Variants in HDAC9 observed in about 807,000 individuals in gnomAD.
The protein encoded by HDAC9 is histone deacetylase 9.
HDAC9 carries 41 observed loss-of-function variants against 139.4 expected under a neutral mutation model. The ratio of observed to expected loss-of-function variants is 0.29; its 90% CI spans 0.23 to 0.38. The LOEUF (loss-of-function observed/expected upper bound fraction) is 0.38, where lower values mean the gene tolerates loss of function less well. Among genes scored for constraint, HDAC9 ranks in the 10% least tolerant of loss-of-function variants. The probability of loss-of-function intolerance (pLI) is 1.00; values close to 1 mark genes in which losing one functional copy is unlikely to be tolerated. For missense variants in HDAC9, 1,147 were observed against 1,297.0 expected (o/e 0.88, Z 1.78); for synonymous variants, 517 against 476.2 (o/e 1.09, Z -1.12).
At chr7:18,116,488 A>G (rs890384061) in intron 1 of HDAC9, among the ~76,000 whole-genome samples, 5 of 152,158 alleles carry the variant, frequency 3.3e-5, no homozygotes, top group Non-Finnish European at 7.4e-5. Context: ...TTTAAAAATA[A>G]CCTACCTCTT....
intron 22 of HDAC9, among the ~76,000 whole-genome samples, chr7:18,929,639 T>TA (rs1804553273): frequency 6.6e-6 from 1 of 152,008 alleles, no homozygotes; most frequent in Admixed American, 6.6e-5. Context: ...AAATCTCTTT[T>TA]AAAAAGTATC....
intron 11 of HDAC9, among the ~76,000 whole-genome samples, chr7:18,663,206 G>C (rs1334732330): frequency 6.6e-6 from 1 of 152,072 alleles, no homozygotes; most frequent in African/African-American, 2.4e-5. Context: ...CAGGGTTACT[G>C]ATAAAGATAG....
intron 7 of HDAC9, among the ~76,000 whole-genome samples, chr7:18,632,715 G>A (rs969475736): frequency 1.3e-5 from 2 of 152,068 alleles, no homozygotes; most frequent in East Asian, 3.9e-4. Flanking sequence ...TTTTGCAAGA[G>A]TTTGAAAGAA....
intron 1 of HDAC9, among the ~76,000 whole-genome samples, chr7:18,339,979 G>T (rs1462345558): frequency 6.6e-6 from 1 of 151,464 alleles, no homozygotes; most frequent in Admixed American, 6.6e-5. Flanking sequence ...CAGTTATTGA[G>T]AAAATAGTAT....
chr7:18,654,499 G>C (rs923919599), intron 11 of HDAC9, among the ~76,000 whole-genome samples: 6 of 152,014 alleles, frequency 3.9e-5, no homozygotes, highest in Admixed American at 6.6e-5. Flanking sequence ...TTTAGTTCAA[G>C]AAAATTAATT....
intron 12 of HDAC9, among the ~76,000 whole-genome samples, chr7:18,701,408 AAAAC>A (rs1397863939): frequency 9.9e-6 from 1 of 101,484 alleles, no homozygotes; most frequent in Non-Finnish European, 1.8e-5. Flanking sequence ...AAAAAAAAAC[AAAAC>A]AAACAAAAAA....
intron 2 of HDAC9, among the ~76,000 whole-genome samples, chr7:18,169,952 T>G (rs1156941802): frequency 3.9e-5 from 6 of 152,358 alleles, no homozygotes; most frequent in Non-Finnish European, 7.3e-5. Flanking sequence ...CAGCATGATT[T>G]ATAATCCTTT....
At chr7:18,832,489 A>G (rs1313195696) in intron 19 of HDAC9, among the ~76,000 whole-genome samples, 1 of 152,214 alleles carries the variant, frequency 6.6e-6, no homozygotes, top group African/African-American at 2.4e-5. Context: ...CTTTTTAACC[A>G]GTAAAATATT....
intron 2 of HDAC9, among the ~76,000 whole-genome samples, chr7:18,256,517 A>G (rs1411124895): frequency 6.6e-6 from 1 of 152,092 alleles, no homozygotes; most frequent in East Asian, 1.9e-4. Context: ...AGCCTTTTCT[A>G]CCTCTCCAAC....
intron 1 of HDAC9, among the ~76,000 whole-genome samples, chr7:18,478,937 C>T (rs932507665): frequency 3.9e-5 from 6 of 152,074 alleles, no homozygotes; most frequent in African/African-American, 1.4e-4. Flanking sequence ...TTTTCCATCA[C>T]TTGCCTATTT....
chr7:18,451,403 A>G (rs28582310), intron 1 of HDAC9, among the ~76,000 whole-genome samples: 3,298 of 63,952 alleles, frequency 0.052, 62 homozygotes, highest in African/African-American at 0.11. Flanking sequence ...GTGTGTGTGT[A>G]TATATGTGTG....
intron 6 of HDAC9, among the ~76,000 whole-genome samples, chr7:18,620,980 T>C (rs1357290756): frequency 2.0e-5 from 3 of 152,222 alleles, no homozygotes; most frequent in Non-Finnish European, 4.4e-5. Flanking sequence ...GTGCTGTCTT[T>C]CGAAGCAAAA....
intron 1 of HDAC9, among the ~76,000 whole-genome samples, chr7:18,115,768 C>G (rs1746310859): frequency 6.6e-6 from 1 of 152,208 alleles, no homozygotes; most frequent in African/African-American, 2.4e-5. Context: ...TTTATAGTCA[C>G]TTAATCTATT....
Position 18,357,248 on chromosome 7 carries a change from G to T in HDAC9, c.-42+66733G>T, listed in dbSNP as rs190677865. The stretch of plus-strand genomic sequence containing the variant: ...CCTATATATCCAATCTAATATATAT[G>T]TGAAAAAGGGTAGACATCAATCAGT... On this transcript the variant is annotated intron_variant, in intron 1 of 3. Coordinates refer to the HDAC9 transcript ENST00000413509. Among the ~76,000 whole-genome samples, 7 of 152,150 alleles carry T rather than the reference G, an allele frequency of 4.6e-5. No individual in the cohort carries two copies. The East Asian group carries it at 1.4e-3, about 29-fold the overall frequency.
At chr7:18,945,373 T>A (rs1265319007) in intron 23 of HDAC9, among the ~76,000 whole-genome samples, 1 of 152,242 alleles carries the variant, frequency 6.6e-6, no homozygotes, top group African/African-American at 2.4e-5. Context: ...TATTGTCTTT[T>A]TCCTTACTGA....
rs145979170 is a variant in HDAC9 at position 18,913,157 on chromosome 7, C to T, written c.2804-22652C>T. On this transcript the variant is annotated intron_variant, in intron 22 of 25. Transcript: ENST00000686413. ...TATAAATAATGCAAACTTTTCAACACGTGGCTAATTTCCACGGTTGAACTT... is the reference window on the plus strand; with the variant it reads ...TATAAATAATGCAAACTTTTCAACATGTGGCTAATTTCCACGGTTGAACTT... 3.0e-3 allele frequency among the ~76,000 whole-genome samples: 449 copies of T among 152,150 alleles called. 4 individuals are homozygous for T. Among genetic ancestry groups the T allele is most frequent in the African/African-American group, 9.3e-3 (388 of 41,546 alleles).
chr7:18,140,784 A>G (rs538211607), intron 1 of HDAC9, among the ~76,000 whole-genome samples: 2 of 152,074 alleles, frequency 1.3e-5, no homozygotes, highest in African/African-American at 2.4e-5. Flanking sequence ...ATATATATAT[A>G]TATTCTGTTT....
chr7:18,215,365 G>C (rs1053318824), intron 2 of HDAC9, among the ~76,000 whole-genome samples: 1 of 152,090 alleles, frequency 6.6e-6, no homozygotes. Context: ...AGCCAACAAG[G>C]CCTATGCACT....
intron 24 of HDAC9, among the ~76,000 whole-genome samples, chr7:18,957,363 A>C (rs1404694295): frequency 2.6e-5 from 4 of 152,150 alleles, no homozygotes. Flanking sequence ...TAAACTTCAT[A>C]ATGGCTTGGG....
Sources: gnomAD v4.1 joint callset for allele counts (sites outside exome capture counted in the v4.1 genomes callset) on GRCh38, gnomAD v4.1.1 for gene constraint, MANE v1.5 for transcripts, NCBI Gene and HGNC (gene_info 2026-07-23, HGNC 2026-07-21) for gene names.